GNB1: variants seen among roughly 807,000 people sequenced by gnomAD.
The protein encoded by GNB1 is G protein subunit beta 1.
A neutral mutation model predicts 42.9 loss-of-function variants in GNB1; 2 were observed. The observed-to-expected ratio is 0.05, with a 90% CI of 0.02 to 0.15. GNB1 has a LOEUF of 0.15. GNB1 is among the 10% of genes least tolerant of loss of function. GNB1 has a pLI of 1.00. For synonymous variants in GNB1, 183 were observed against 174.7 expected (o/e 1.05, Z -0.38); for missense variants, 193 against 462.2 (o/e 0.42, Z 5.34).
At chr1:1,811,064 T>C (rs1646770160) in intron 5 of GNB1, among the ~76,000 whole-genome samples, 1 of 68,276 alleles carries the variant, frequency 1.5e-5, no homozygotes, top group East Asian at 4.0e-4. Context: ...TGTGGGTATA[T>C]ATATACATAT....
intron 5 of GNB1, among the ~76,000 whole-genome samples, chr1:1,814,156 TG>T (rs968746610): frequency 6.6e-6 from 1 of 152,146 alleles, no homozygotes; most frequent in African/African-American, 2.4e-5. Context: ...CTCATTTGCA[TG>T]GGGAATTGTA....
intron 7 of GNB1, among the ~76,000 whole-genome samples, chr1:1,795,732 AAC>A (rs1386420198): frequency 6.9e-6 from 1 of 144,600 alleles, no homozygotes; most frequent in East Asian, 2.1e-4. Flanking sequence ...CAGCCTGGGC[AAC>A]AGAGTGAGAC....
At chr1:1,822,537 G>C (rs1054174192) in intron 3 of GNB1, among the ~76,000 whole-genome samples, 1 of 151,850 alleles carries the variant, frequency 6.6e-6, no homozygotes, top group Non-Finnish European at 1.5e-5. Context: ...GGATGGTATC[G>C]ATCTCCTGAC....
intron 1 of GNB1, among the ~76,000 whole-genome samples, chr1:1,882,685 G>A (rs796553892): frequency 2.0e-5 from 3 of 152,304 alleles, no homozygotes; most frequent in Admixed American, 6.5e-5. Flanking sequence ...CACTTTGGGA[G>A]GCCGAGGCAG....
At chr1:1,848,603 C>G (rs1030914293) in intron 1 of GNB1, among the ~76,000 whole-genome samples, 3 of 152,012 alleles carry the variant, frequency 2.0e-5, no homozygotes, top group Admixed American at 2.0e-4. Context: ...TTTTCTCTCC[C>G]TTATGATTTT....
intron 1 of GNB1, among the ~76,000 whole-genome samples, chr1:1,845,748 G>A (rs2101368601): frequency 6.7e-6 from 1 of 150,222 alleles, no homozygotes; most frequent in South Asian, 2.1e-4. Context: ...GCCCCCTGGG[G>A]TTCAATCTGA....
chr1:1,855,333 AAAAG>A (rs1648220262), intron 1 of GNB1, among the ~76,000 whole-genome samples: 1 of 150,998 alleles, frequency 6.6e-6, no homozygotes, highest in Non-Finnish European at 1.5e-5. Flanking sequence ...AAAAAAAAAA[AAAAG>A]AAAAGAAAAG....
chr1:1,890,541 G>A (rs1024768997), intron 1 of GNB1: 90 of 149,264 alleles, frequency 6.0e-4, no homozygotes, highest in Admixed American at 2.6e-3. Flanking sequence ...AGCGCCCGCG[G>A]CGCACACAAC....
chr1:1,864,331 AAAAAAG>A lies in GNB1; in HGVS notation c.-95-25099_-95-25094del, dbSNP rs1278382054. Among the ~76,000 whole-genome samples, 199 of 149,568 alleles carry A rather than the reference AAAAAAG, an allele frequency of 1.3e-3. 1 individual carries two copies. Among genetic ancestry groups the A allele is most frequent in the Non-Finnish European group, 2.1e-3 (143 of 67,218 alleles). ...GACTCTCTCAAAAAAAAAAAAAAAA[AAAAAAG>A]AAGAAAACCCCACGAAAAAACTATT... On this transcript the variant is annotated intron_variant, in intron 1 of 11. Coordinates refer to ENST00000378609, the MANE Select transcript of GNB1 (RefSeq NM_002074.5).
chr1:1,845,123 T>C (rs1363105362), intron 1 of GNB1, among the ~76,000 whole-genome samples: 1 of 151,992 alleles, frequency 6.6e-6, no homozygotes. Context: ...TCAGTATCAA[T>C]AAAAAGATAA....
chr1:1,859,538 A>G (rs1199393583), intron 1 of GNB1, among the ~76,000 whole-genome samples: 2 of 152,200 alleles, frequency 1.3e-5, no homozygotes, highest in East Asian at 3.9e-4. Flanking sequence ...CGTGGCCTAA[A>G]GGCATTTGGA....
chr1:1,838,638 G>A (rs1317851614), intron 2 of GNB1, among the ~76,000 whole-genome samples: 1 of 151,432 alleles, frequency 6.6e-6, no homozygotes, highest in Non-Finnish European at 1.5e-5. Context: ...TAGAGACAGG[G>A]TTTCACCGTG....
At position 1,816,242 on chromosome 1, in the gene GNB1, C is replaced by G. The variant is rs115793766; in HGVS notation, c.97-380G>C. Among the ~76,000 whole-genome samples the G allele has an allele frequency of 8.2e-3, 1,248 of 152,282 alleles. 21 individuals are homozygous for G. The highest frequency in any genetic ancestry group is 0.029 in the African/African-American group (1,211 of 41,550). ...TTCTTATGACACCACACAGATGTCC[C>G]ACACCACAATTTAATAGCTGGTTCC... On this transcript the variant is annotated intron_variant, in intron 4 of 11. Coordinates refer to ENST00000378609, the MANE Select transcript of GNB1 (RefSeq NM_002074.5).
At chr1:1,800,677 A>G (rs1232941192) in intron 7 of GNB1, among the ~76,000 whole-genome samples, 1 of 152,072 alleles carries the variant, frequency 6.6e-6, no homozygotes, top group Non-Finnish European at 1.5e-5. Context: ...TCAAGATGCC[A>G]AAGTGCAATA....
chr1:1,809,189 A>AT lies in GNB1; in HGVS notation c.204-2652dup, dbSNP rs34549355. On this transcript the variant is annotated intron_variant, in intron 5 of 11. Transcript: ENST00000378609. ...CCCATCCTATTATTTTTCAGATGCA[A>AT]TTTTTTTTTTTTTTTTTTTTTTGAG... is the stretch of plus-strand genomic sequence containing the variant. Among the ~76,000 whole-genome samples, 293 of 92,512 alleles carry AT rather than the reference A, an allele frequency of 3.2e-3. 3 individuals are homozygous for AT. The highest frequency in any genetic ancestry group is 6.5e-3 in the African/African-American group (194 of 29,632). The allele number at this position is 92,512 out of a possible 152,430, so 60.7% of individuals were successfully genotyped here.
intron 3 of GNB1, among the ~76,000 whole-genome samples, chr1:1,823,094 T>C (rs1332419640): frequency 6.6e-6 from 1 of 151,510 alleles, no homozygotes; most frequent in Admixed American, 6.6e-5. Flanking sequence ...TACAAAAAAT[T>C]AGCCGGGTGT....
At chr1:1,846,692 G>C (rs745390366) in intron 1 of GNB1, among the ~76,000 whole-genome samples, 4 of 152,112 alleles carry the variant, frequency 2.6e-5, no homozygotes, top group Non-Finnish European at 5.9e-5. Flanking sequence ...TAAGTAGCAA[G>C]GATTCAGGCA....
At chr1:1,840,361 T>C (rs1420412463) in intron 1 of GNB1, among the ~76,000 whole-genome samples, 1 of 151,994 alleles carries the variant, frequency 6.6e-6, no homozygotes, top group Non-Finnish European at 1.5e-5. Flanking sequence ...ACCTCATCTC[T>C]ACTAAAAATA....
At chr1:1,850,849 CTT>C (rs904000317) in intron 1 of GNB1, among the ~76,000 whole-genome samples, 9 of 152,158 alleles carry the variant, frequency 5.9e-5, no homozygotes, top group African/African-American at 1.9e-4. Flanking sequence ...GGGTACACCT[CTT>C]TGTCTGAGCC....
Sources: gnomAD v4.1 joint callset for allele counts (sites outside exome capture counted in the v4.1 genomes callset) on GRCh38, gnomAD v4.1.1 for gene constraint, MANE v1.5 for transcripts, NCBI Gene and HGNC (gene_info 2026-07-23, HGNC 2026-07-21) for gene names.